The following PLEKHA8 variants were observed in gnomAD, a reference collection of about 807,000 sequenced individuals.
The protein encoded by PLEKHA8 is pleckstrin homology domain containing A8, also known as pleckstrin homology domain-containing family A member 8.
A neutral mutation model predicts 68.2 loss-of-function variants in PLEKHA8; 36 were observed. The ratio of observed to expected loss-of-function variants is 0.53; its 90% CI spans 0.40 to 0.70. PLEKHA8 has a LOEUF of 0.70. Among genes scored for constraint, PLEKHA8 ranks in the 30% least tolerant of loss-of-function variants. The pLI, the probability that PLEKHA8 is intolerant of heterozygous loss-of-function variation, is 0.00. For missense variants in PLEKHA8, 505 were observed against 615.4 expected, an observed-to-expected ratio of 0.82 and a Z score of 1.90; for synonymous variants, 211 against 216.1, an observed-to-expected ratio of 0.98 and a Z score of 0.20.
rs1795048892 is a variant in PLEKHA8 at position 30,083,574 on chromosome 7, C to T, written c.*4787C>T. The T allele has an allele frequency of 1.0e-6, 1 of 985,274 alleles. No homozygotes were observed. Among genetic ancestry groups the T allele is most frequent in the Non-Finnish European group, 1.2e-6 (1 of 829,938 alleles). 61.0% of individuals were successfully genotyped at this position (985,274 alleles called of 1,614,324 possible). ...GATTAAACAGTCATTAACAGTGCCT[C>T]TCTGGTACAGTTGATGCATGCATTG... On this transcript the variant is annotated 3_prime_UTR_variant, in exon 14 of 14. Coordinates refer to ENST00000449726, the MANE Select transcript of PLEKHA8 (RefSeq NM_001197026.2).
At chr7:30,042,214 C>T (rs181880080) in intron 1 of PLEKHA8, among the ~76,000 whole-genome samples, 2 of 152,262 alleles carry the variant, frequency 1.3e-5, no homozygotes, top group African/African-American at 4.8e-5. Flanking sequence ...CGTGAGCTCT[C>T]CTGGCTTGCT....
Position 30,062,660 on chromosome 7 carries a change from A to G in PLEKHA8, c.1230-12A>G. 6.3e-7 allele frequency: 1 copy of G among 1,591,536 alleles called. No homozygotes were observed. The highest frequency in any genetic ancestry group is 8.6e-7 in the Non-Finnish European group (1 of 1,159,956). On this transcript the variant is annotated splice_polypyrimidine_tract_variant and intron_variant, in intron 11 of 13. Transcript: ENST00000449726. ...CTTTGAAAATAATATTTCTTCCTTTATTTTGTTTTAGAGGTCTCAAATTTT... is the reference window on the plus strand; with the variant it reads ...CTTTGAAAATAATATTTCTTCCTTTGTTTTGTTTTAGAGGTCTCAAATTTT...
At chr7:30,058,099 TC>T (rs1269877930) in intron 9 of PLEKHA8, among the ~76,000 whole-genome samples, 8 of 152,184 alleles carry the variant, frequency 5.3e-5, no homozygotes, top group African/African-American at 1.7e-4. Context: ...CCCTATCTCT[TC>T]CATTGTGAAA....
intron 13 of PLEKHA8, among the ~76,000 whole-genome samples, chr7:30,117,609 C>G (rs545319953): frequency 6.6e-6 from 1 of 151,918 alleles, no homozygotes; most frequent in South Asian, 2.1e-4. Flanking sequence ...GAGGCTGAGG[C>G]GAGAGGGTCA....
At chr7:30,040,288 G>C (rs1001048758) in intron 1 of PLEKHA8, among the ~76,000 whole-genome samples, 1 of 152,214 alleles carries the variant, frequency 6.6e-6, no homozygotes, top group African/African-American at 2.4e-5. Flanking sequence ...ATGTCATCCA[G>C]ATTTTCTTCC....
chr7:30,111,916 C>T (rs2128017918), intron 13 of PLEKHA8, among the ~76,000 whole-genome samples: 1 of 152,180 alleles, frequency 6.6e-6, no homozygotes, highest in East Asian at 1.9e-4. Flanking sequence ...CATAAAAAGC[C>T]AACCATATGC....
chr7:30,037,214 C>T (rs772001311), intron 1 of PLEKHA8, among the ~76,000 whole-genome samples: 2 of 152,060 alleles, frequency 1.3e-5, no homozygotes, highest in Admixed American at 6.6e-5. Context: ...GGGTTATGAA[C>T]GTAGAAACCA....
intron 4 of PLEKHA8, among the ~76,000 whole-genome samples, chr7:30,048,191 A>G (rs1792113843): frequency 6.6e-6 from 1 of 152,196 alleles, no homozygotes; most frequent in African/African-American, 2.4e-5. Context: ...AAGCAATAGT[A>G]CATTTCATCA....
At chr7:30,118,692 C>A (rs925164019) in intron 13 of PLEKHA8, among the ~76,000 whole-genome samples, 1 of 152,148 alleles carries the variant, frequency 6.6e-6, no homozygotes, top group African/African-American at 2.4e-5. Flanking sequence ...ATTCTCCTGC[C>A]TCAGCCTCCC....
intron 13 of PLEKHA8, among the ~76,000 whole-genome samples, chr7:30,102,075 A>G (rs144067040): frequency 7.9e-5 from 12 of 152,364 alleles, no homozygotes; most frequent in Non-Finnish European, 1.2e-4. Context: ...AAGAATTCTT[A>G]TAACTCAGCA....
chr7:30,080,317 G>C lies in PLEKHA8; in HGVS notation c.*1530G>C. ...TGCTGCCTCGAGTGTGCATCGGAGA[G>C]AAGCCATGGGTACCTTCCCCATTAG... On this transcript the variant is annotated 3_prime_UTR_variant, in exon 14 of 14. Coordinates refer to ENST00000449726, the MANE Select transcript of PLEKHA8 (RefSeq NM_001197026.2). 4.1e-6 allele frequency: 4 copies of C among 985,392 alleles called. No homozygotes were observed. Among genetic ancestry groups the C allele is most frequent in the Non-Finnish European group, 3.6e-6 (3 of 829,938 alleles). The allele number at this position is 985,392 out of a possible 1,614,324, so 61.0% of individuals were successfully genotyped here.
rs1356133784 is a variant in PLEKHA8, at chr7:30,082,101, C to T, written c.*3314C>T. On this transcript the variant is annotated 3_prime_UTR_variant, in exon 14 of 14. Transcript: ENST00000449726. Reference sequence around the variant, plus strand: ...CTCACAGAATGTTGAGCCTGTGGGCCCAAGACATTGACTTCGAAGGGTAGT... The same window carrying T: ...CTCACAGAATGTTGAGCCTGTGGGCTCAAGACATTGACTTCGAAGGGTAGT... The T allele has an allele frequency of 1.0e-6, 1 of 985,248 alleles. No individual in the cohort carries two copies. Among genetic ancestry groups the T allele is most frequent in the Non-Finnish European group, 1.2e-6 (1 of 829,878 alleles). 61.0% of individuals were successfully genotyped at this position (985,248 alleles called of 1,614,324 possible).
At chr7:30,092,021 G>T (rs866874628), downstream of PLEKHA8, among the ~76,000 whole-genome samples, 2 of 152,106 alleles carry the variant, frequency 1.3e-5, no homozygotes, top group African/African-American at 4.8e-5. Flanking sequence ...GTATTCTCTT[G>T]TGGCATGTAT....
At chr7:30,063,444 C>T (rs1010662651) in intron 12 of PLEKHA8, among the ~76,000 whole-genome samples, 3 of 152,120 alleles carry the variant, frequency 2.0e-5, no homozygotes, top group African/African-American at 7.2e-5. Flanking sequence ...GAACTCTCAC[C>T]ATTGATCTAT....
intron 13 of PLEKHA8, among the ~76,000 whole-genome samples, chr7:30,128,047 G>A (rs1796805475): frequency 6.7e-6 from 1 of 148,230 alleles, no homozygotes; most frequent in Non-Finnish European, 1.5e-5. Context: ...TTCTCTATTA[G>A]AAATTGTGTC....
At chr7:30,030,345 T>A (rs540555728) in intron 1 of PLEKHA8, among the ~76,000 whole-genome samples, 29 of 152,336 alleles carry the variant, frequency 1.9e-4, no homozygotes, top group African/African-American at 6.7e-4. Context: ...ATAGAAAGTT[T>A]AGTCTCTTGA....
At chr7:30,129,798 A>G (rs908750048), downstream of PLEKHA8, 1 of 156,502 alleles carries the variant, frequency 6.4e-6, no homozygotes, top group African/African-American at 2.4e-5. Flanking sequence ...GCAGGGGTTA[A>G]GTAACTTATC....
At chr7:30,118,249 T>A in intron 13 of PLEKHA8, 1 of 393,038 alleles carries the variant, frequency 2.5e-6, no homozygotes, top group Non-Finnish European at 4.5e-6. Flanking sequence ...TGAGTCTATC[T>A]GGAACTTATT....
At chr7:30,049,173 T>G (rs1241072725) in intron 4 of PLEKHA8, 51 bp from the exon 5 acceptor site, 2 of 1,609,766 alleles carry the variant, frequency 1.2e-6, no homozygotes. Context: ...ACAATTGGGC[T>G]TTTTCTTTTT....
Sources: gnomAD v4.1 joint callset for allele counts (sites outside exome capture counted in the v4.1 genomes callset) on GRCh38, gnomAD v4.1.1 for gene constraint, MANE v1.5 for transcripts, NCBI Gene and HGNC (gene_info 2026-07-23, HGNC 2026-07-21) for gene names.